The following AMOTL2 variants were observed in gnomAD, a reference collection of about 807,000 sequenced individuals.
AMOTL2 encodes angiomotin-like protein 2.
Under a neutral mutation model 78.4 loss-of-function variants are expected in AMOTL2, and 33 were observed. The observed-to-expected ratio is 0.42, with a 90% CI of 0.32 to 0.56. The LOEUF (loss-of-function observed/expected upper bound fraction) is 0.56. AMOTL2 is among the 20% of genes least tolerant of loss of function. The pLI is 0.12. For synonymous variants in AMOTL2, 422 were observed against 428.8 expected (o/e 0.98, Z 0.20); for missense variants, 983 against 1,030.1 (o/e 0.95, Z 0.63).
Position 134,358,647 on chromosome 3 carries a change from T to C in AMOTL2, c.2177A>G (p.Asp726Gly), listed in dbSNP as rs117533420. Residue 726 changes from aspartate (D) to glycine (G), a missense_variant, in exon 9 of 10, where the codon GAT becomes GGT. Physicochemically the swap from Asp to Gly is moderately conservative, Grantham distance 94 (BLOSUM62 -1). Transcript: ENST00000249883. The part of the protein sequence containing the change: ...PAAHAKHGSR[D>G]GSTQTEGPPD... Reference sequence around the variant, plus strand: ...GGGGCCCTCAGTCTGGGTGCTCCCATCTCTGCTCCCGTGTTTGGCATGGGC... The same window carrying C: ...GGGGCCCTCAGTCTGGGTGCTCCCACCTCTGCTCCCGTGTTTGGCATGGGC... 3,887 of 1,613,688 alleles carry C rather than the reference T, an allele frequency of 2.4e-3. 133 individuals are homozygous for C. In the East Asian group the frequency reaches 0.075, roughly 31 times the overall value.
chr3:134,370,022 G>T (rs942619618), intron 2 of AMOTL2, among the ~76,000 whole-genome samples: 18 of 152,146 alleles, frequency 1.2e-4, no homozygotes, highest in African/African-American at 3.1e-4. Flanking sequence ...ATCCCCTGAG[G>T]GCCTCCCAGC....
upstream of AMOTL2, chr3:134,374,856 G>T (rs1267284385): frequency 2.5e-6 from 3 of 1,220,636 alleles, no homozygotes; most frequent in Non-Finnish European, 2.1e-6. Context: ...GACAGCAAGG[G>T]CTGTACCACG....
chr3:134,367,475 C>T, intron 3 of AMOTL2, 22 bp downstream of exon 3: 1 of 1,608,396 alleles, frequency 6.2e-7, no homozygotes, highest in Non-Finnish European at 8.5e-7. Flanking sequence ...GTCTGCCCTT[C>T]TGAAGCCCCA....
At chr3:134,375,042 T>C, upstream of AMOTL2, 3 of 1,452,316 alleles carry the variant, frequency 2.1e-6, no homozygotes, top group Non-Finnish European at 2.7e-6. Flanking sequence ...ACAGAGCCTC[T>C]TTCCCCTAAC....
chr3:134,362,864 G>A (rs559468600), intron 5 of AMOTL2, among the ~76,000 whole-genome samples: 8 of 152,270 alleles, frequency 5.3e-5, no homozygotes, highest in Admixed American at 1.3e-4. Context: ...GAGAGCAGGT[G>A]GGGGGCAGGG....
In AMOTL2 at chr3:134,370,889, T is replaced by C; in HGVS notation, c.545A>G (p.His182Arg). The part of the protein sequence containing the change: ...ARAPSHMSSS[H>R]SFPQLARNQQ... ...GTTGCGGGCCAGCTGTGGGAAGCTG[T>C]GGGAGGAGCTCATGTGGCTGGGGGC... The change falls in exon 2 of 10, where the codon CAC becomes CGC. Residue 182 changes from histidine to arginine, a missense_variant. By Grantham distance (29) the His-to-Arg change is conservative (BLOSUM62 0). Coordinates refer to ENST00000249883, the MANE Select transcript of AMOTL2 (RefSeq NM_016201.4). 1 of 1,612,034 alleles carries C rather than the reference T, an allele frequency of 6.2e-7. No individual in the cohort carries two copies. The highest frequency in any genetic ancestry group is 8.5e-7 in the Non-Finnish European group (1 of 1,179,106).
At position 134,361,522 on chromosome 3, in the gene AMOTL2, C is replaced by A; in HGVS notation, c.1565G>T (p.Arg522Leu). 6.2e-7 allele frequency: 1 copy of A among 1,609,672 alleles called. No homozygotes were observed. Among genetic ancestry groups the A allele is most frequent in the Non-Finnish European group, 8.5e-7 (1 of 1,177,912 alleles). Residue 522 changes from arginine to leucine, a missense_variant, in exon 6 of 10, where the codon CGT (arginine) becomes CTT (leucine). By Grantham distance (102) the Arg-to-Leu change is moderately radical (BLOSUM62 -2). Transcript: ENST00000249883. ...TRLEQELKAL[R>L]AQQRQAGAPG... is the part of the protein sequence containing the mutation. ...ACTTTCTCAGCTCACCTGCTGTGCA[C>A]GCAGGGCCTTGAGTTCCTGCTCCAG...
At chr3:134,363,149 G>C (rs1342932979) in intron 5 of AMOTL2, among the ~76,000 whole-genome samples, 3 of 152,286 alleles carry the variant, frequency 2.0e-5, no homozygotes, top group African/African-American at 7.2e-5. Flanking sequence ...AAGGGTGAAG[G>C]CTTGAGACCT....
At position 134,361,632 on chromosome 3, in the gene AMOTL2, T is replaced by G. The variant is rs1486678220; in HGVS notation, c.1455A>C (p.Lys485Asn). The G allele has an allele frequency of 6.2e-7, 1 of 1,613,070 alleles. No individual in the cohort carries two copies. Among genetic ancestry groups the G allele is most frequent in the Non-Finnish European group, 8.5e-7 (1 of 1,179,970 alleles). The change falls in exon 6 of 10, where the codon AAA becomes AAC. Residue 485 changes from lysine to asparagine, a missense_variant. Transcript: ENST00000249883. ...CGAGCGCCTGCTGCAGCCGCTCCAC[T>G]TTCTCCACATAGGCCTGCTTCTTGC... ...ELRKKQAYVE[K>N]VERLQQALGQ...
intron 1 of AMOTL2, chr3:134,373,473 T>C (rs931952337): frequency 9.8e-5 from 97 of 985,410 alleles, no homozygotes; most frequent in South Asian, 1.9e-4. Context: ...ATCAAACGCC[T>C]GGGCCTTTAC....
At chr3:134,357,923 C>A (rs2017144393) in intron 9 of AMOTL2, among the ~76,000 whole-genome samples, 160 bp from the exon 10 acceptor site, 1 of 152,230 alleles carries the variant, frequency 6.6e-6, no homozygotes. Flanking sequence ...ATGCTCTGCC[C>A]CCTTTCAGTG....
chr3:134,366,760 G>A (rs1487053123), intron 3 of AMOTL2: 1 of 216,544 alleles, frequency 4.6e-6, no homozygotes, highest in Non-Finnish European at 9.0e-6. Context: ...TCTACTCTTG[G>A]CTGGCTTCCA....
At chr3:134,369,557 C>T (rs190668943) in intron 2 of AMOTL2, among the ~76,000 whole-genome samples, 162 of 152,332 alleles carry the variant, frequency 1.1e-3, no homozygotes, top group African/African-American at 3.5e-3. Context: ...CGATAAAGTG[C>T]GAGTCTGGAG....
At chr3:134,365,262 A>T (rs1359316529) in intron 5 of AMOTL2, among the ~76,000 whole-genome samples, 1 of 152,216 alleles carries the variant, frequency 6.6e-6, no homozygotes, top group African/African-American at 2.4e-5. Flanking sequence ...TAGTCAATGA[A>T]CTTGCCCATT....
In AMOTL2 at chr3:134,361,783, T is replaced by C; in HGVS notation, c.1304A>G (p.Glu435Gly). The stretch of plus-strand genomic sequence containing the variant: ...CAGTGCCATCTCTCGCTCCAGCTTC[T>C]CTTGCTCCTGCTGCTGTTCGTAGCC... ...AQSYEQQQEQ[E>G]KLEREMALLR... The change falls in exon 6 of 10, where the codon GAG (glutamate) becomes GGG (glycine). Residue 435 changes from glutamate (E) to glycine (G), a missense_variant. By Grantham distance (98) the Glu-to-Gly change is moderately conservative (BLOSUM62 -2). Coordinates refer to ENST00000249883, the MANE Select transcript of AMOTL2 (RefSeq NM_016201.4). 2 of 1,568,380 alleles carry C rather than the reference T, an allele frequency of 1.3e-6. No individual in the cohort carries two copies. Among genetic ancestry groups the C allele is most frequent in the Non-Finnish European group, 1.7e-6 (2 of 1,153,342 alleles).
chr3:134,359,572 C>T lies in AMOTL2; in HGVS notation c.1884-69G>A, dbSNP rs540880815. ...CCAACAGCCTCCACCCTTCCTGCCTCATAGGAGTTAGAGGAAAAGCCCCCC... is the reference window on the plus strand; with the variant it reads ...CCAACAGCCTCCACCCTTCCTGCCTTATAGGAGTTAGAGGAAAAGCCCCCC... On this transcript the variant is annotated intron_variant, in intron 7 of 9. Coordinates refer to ENST00000249883, the MANE Select transcript of AMOTL2 (RefSeq NM_016201.4). The T allele has an allele frequency of 8.7e-5, 117 of 1,349,852 alleles. No homozygotes were observed. The African/African-American group carries it at 1.5e-3, about 17-fold the overall frequency. 83.6% of individuals were successfully genotyped at this position (1,349,852 alleles called of 1,614,324 possible).
At chr3:134,365,791 G>A in intron 5 of AMOTL2, 26 bp downstream of exon 5, 2 of 1,604,248 alleles carry the variant, frequency 1.2e-6, no homozygotes, top group Non-Finnish European at 1.7e-6. Flanking sequence ...ACACAGGCCA[G>A]GCTTCTTAGT....
At chr3:134,364,285 T>G (rs1156869690) in intron 5 of AMOTL2, among the ~76,000 whole-genome samples, 3 of 151,860 alleles carry the variant, frequency 2.0e-5, no homozygotes, top group African/African-American at 7.3e-5. Context: ...GCTGCAAGAT[T>G]AATGGCTCCA....
chr3:134,361,838 A>G, intron 5 of AMOTL2, 31 bp from the exon 6 acceptor site: 1 of 1,495,334 alleles, frequency 6.7e-7, no homozygotes, highest in Non-Finnish European at 9.0e-7. Flanking sequence ...GATCAGTGAC[A>G]GTGACCACGT....
Sources: gnomAD v4.1 joint callset for allele counts (sites outside exome capture counted in the v4.1 genomes callset) on GRCh38, gnomAD v4.1.1 for gene constraint, MANE v1.5 for transcripts, NCBI Gene and HGNC (gene_info 2026-07-23, HGNC 2026-07-21) for gene names.